SUMF1: variants seen among roughly 807,000 people sequenced by gnomAD.
SUMF1 encodes formylglycine-generating enzyme.
In SUMF1, 48 loss-of-function variants were observed where a neutral mutation model predicts 47.6. The ratio of observed to expected loss-of-function variants is 1.01; its 90% CI spans 0.80 to 1.28. The LOEUF (loss-of-function observed/expected upper bound fraction) is 1.28, where lower values mean the gene tolerates loss of function less well. Among genes scored for constraint, SUMF1 ranks in the 50% most tolerant of loss-of-function variants. The probability of loss-of-function intolerance (pLI) is 0.00; values close to 1 mark genes in which losing one functional copy is unlikely to be tolerated. For synonymous variants in SUMF1, 230 were observed against 192.1 expected (o/e 1.20, Z -1.63); for missense variants, 571 against 485.4 (o/e 1.18, Z -1.66).
At chr3:4,429,113 C>T (rs1035521514) in intron 3 of SUMF1, among the ~76,000 whole-genome samples, 17 of 152,196 alleles carry the variant, frequency 1.1e-4, no homozygotes, top group African/African-American at 4.1e-4. Flanking sequence ...TGTTCAAACA[C>T]CTTCATGTAC....
At chr3:4,063,288 C>T (rs1382964266) in intron 9 of SUMF1, among the ~76,000 whole-genome samples, 1 of 152,042 alleles carries the variant, frequency 6.6e-6, no homozygotes, top group African/African-American at 2.4e-5. Context: ...GAACACAGGA[C>T]CAAGAGCCAG....
chr3:4,146,651 A>G (rs1190748075), intron 8 of SUMF1, among the ~76,000 whole-genome samples: 1 of 151,832 alleles, frequency 6.6e-6, no homozygotes, highest in African/African-American at 2.4e-5. Context: ...TCGTCATTTA[A>G]CATTAGGTAT....
At position 4,231,209 on chromosome 3, in the gene SUMF1, A is replaced by G. The variant is rs573217327; in HGVS notation, c.1014+145121T>C. ...TTTGAGAGGTGGGAACGCATTTATT[A>G]CAAGAAAATGAGGAAGAGGACTGTG... On this transcript the variant is annotated intron_variant and NMD_transcript_variant, in intron 8 of 12. Transcript: ENST00000448413. Among the ~76,000 whole-genome samples, 103 of 152,270 alleles carry G rather than the reference A, an allele frequency of 6.8e-4. 1 individual carries two copies. The South Asian group carries it at 0.021, about 31-fold the overall frequency.
chr3:4,463,290 G>C (rs2079861089), intron 1 of SUMF1, among the ~76,000 whole-genome samples: 1 of 152,196 alleles, frequency 6.6e-6, no homozygotes, highest in South Asian at 2.1e-4. Flanking sequence ...AAAAGATCGA[G>C]ACAATCCTGG....
intron 8 of SUMF1, among the ~76,000 whole-genome samples, chr3:4,118,238 A>G (rs551472647): frequency 6.6e-6 from 1 of 152,204 alleles, no homozygotes. Flanking sequence ...AAGAGAAGAT[A>G]TTGCATGCTT....
rs552401487 is a variant in SUMF1 at position 4,244,008 on chromosome 3, T to G, written c.1014+132322A>C. 3.3e-5 allele frequency among the ~76,000 whole-genome samples: 5 copies of G among 152,326 alleles called. No homozygotes were observed. In the South Asian group the frequency reaches 1.0e-3, roughly 32 times the overall value. ...TGTTGAATTGATCCCTTTACCATTA[T>G]GTAATGGCCTTCTTTATCTCTTTTG... On this transcript the variant is annotated intron_variant and NMD_transcript_variant, in intron 8 of 12. Transcript: ENST00000448413.
intron 7 of SUMF1, among the ~76,000 whole-genome samples, chr3:4,407,903 C>T (rs73123384): frequency 0.058 from 8,843 of 152,114 alleles, 771 homozygotes; most frequent in African/African-American, 0.19. Flanking sequence ...TGGTTGGCAC[C>T]CTGAAGAACT....
At position 4,289,057 on chromosome 3, in the gene SUMF1, G is replaced by A. The variant is rs1415740166; in HGVS notation, c.1014+87273C>T. On this transcript the variant is annotated intron_variant and NMD_transcript_variant, in intron 8 of 12. Coordinates refer to the SUMF1 transcript ENST00000448413. Reference sequence around the variant, plus strand: ...TACATAGCATAATTTGCTCCTGGTGGGCAGTAATGCCATCACATTCAGAGT... The same window carrying A: ...TACATAGCATAATTTGCTCCTGGTGAGCAGTAATGCCATCACATTCAGAGT... 2.6e-5 allele frequency among the ~76,000 whole-genome samples: 4 copies of A among 152,144 alleles called. No individual in the cohort carries two copies. In the East Asian group the frequency reaches 5.8e-4, roughly 22 times the overall value.
chr3:4,195,338 T>G lies in SUMF1; in HGVS notation c.1015-126593A>C, dbSNP rs990352044. ...GCATGTGGGTCATAACCAATTCCTG[T>G]ACATAAGCCAAGGGAAGAGCAATAA... On this transcript the variant is annotated intron_variant and NMD_transcript_variant, in intron 8 of 12. Coordinates refer to the SUMF1 transcript ENST00000448413. Among the ~76,000 whole-genome samples, 5 of 152,232 alleles carry G rather than the reference T, an allele frequency of 3.3e-5. No individual in the cohort carries two copies. In the East Asian group the frequency reaches 9.6e-4, roughly 29 times the overall value.
intron 8 of SUMF1, among the ~76,000 whole-genome samples, chr3:4,077,951 A>C (rs1242319515): frequency 6.6e-6 from 1 of 152,098 alleles, no homozygotes; most frequent in African/African-American, 2.4e-5. Context: ...GAAGAAAGAA[A>C]AAAGCTTGAT....
chr3:4,271,214 T>C (rs761640392), intron 8 of SUMF1, among the ~76,000 whole-genome samples: 1 of 152,094 alleles, frequency 6.6e-6, no homozygotes, highest in Non-Finnish European at 1.5e-5. Context: ...CCTGAAAAAC[T>C]AGAAATAACC....
chr3:4,398,625 A>T (rs1701112629), intron 7 of SUMF1, among the ~76,000 whole-genome samples: 1 of 152,166 alleles, frequency 6.6e-6, no homozygotes. Context: ...TAGCTTGCCA[A>T]ATCAATAATT....
chr3:4,224,532 A>T (rs1182701497), intron 8 of SUMF1, among the ~76,000 whole-genome samples: 1 of 151,954 alleles, frequency 6.6e-6, no homozygotes, highest in East Asian at 1.9e-4. Context: ...AGAATATCCC[A>T]TTTCCAGGGA....
intron 1 of SUMF1, among the ~76,000 whole-genome samples, chr3:4,463,526 C>A (rs1412548303): frequency 6.6e-6 from 1 of 152,108 alleles, no homozygotes; most frequent in Non-Finnish European, 1.5e-5. Context: ...AACACTAGCA[C>A]CATATTGAAG....
chr3:4,299,310 C>G (rs1476430704), intron 8 of SUMF1, among the ~76,000 whole-genome samples: 2 of 152,202 alleles, frequency 1.3e-5, no homozygotes, highest in African/African-American at 2.4e-5. Context: ...ACTGCAAGCA[C>G]TATTCCCACA....
intron 8 of SUMF1, among the ~76,000 whole-genome samples, chr3:4,205,730 T>C (rs576543404): frequency 2.0e-5 from 3 of 152,276 alleles, no homozygotes. Flanking sequence ...GAGAATTCCC[T>C]AGATTACCAG....
At chr3:4,174,183 C>A (rs756593995) in intron 8 of SUMF1, among the ~76,000 whole-genome samples, 6 of 151,490 alleles carry the variant, frequency 4.0e-5, no homozygotes, top group Non-Finnish European at 7.4e-5. Context: ...GGTGAAACCC[C>A]GTCTCTACTA....
At chr3:4,130,177 T>G (rs941468895) in intron 8 of SUMF1, among the ~76,000 whole-genome samples, 2 of 152,160 alleles carry the variant, frequency 1.3e-5, no homozygotes, top group Admixed American at 6.5e-5. Flanking sequence ...TCTTGGAGAA[T>G]GACAGTGGAT....
At chr3:4,278,632 A>C (rs1408615539) in intron 8 of SUMF1, among the ~76,000 whole-genome samples, 1 of 152,122 alleles carries the variant, frequency 6.6e-6, no homozygotes, top group Non-Finnish European at 1.5e-5. Context: ...AACCGTTTAG[A>C]CATACGTTAT....
Sources: gnomAD v4.1 joint callset for allele counts (sites outside exome capture counted in the v4.1 genomes callset) on GRCh38, gnomAD v4.1.1 for gene constraint, MANE v1.5 for transcripts, NCBI Gene and HGNC (gene_info 2026-07-23, HGNC 2026-07-21) for gene names.